The following DAB1 variants were observed in gnomAD, a reference collection of about 807,000 sequenced individuals.
DAB1 encodes the protein disabled homolog 1.
Under a neutral mutation model 64.6 loss-of-function variants are expected in DAB1, and 15 were observed. That is an observed-to-expected ratio of 0.23 (90% CI 0.16 to 0.36). The LOEUF (loss-of-function observed/expected upper bound fraction) is 0.36, where lower values mean the gene tolerates loss of function less well. Ranked by LOEUF, DAB1 falls within the 10% of genes least tolerant of loss-of-function variation. The pLI is 1.00. For missense variants in DAB1, 596 were observed against 706.7 expected, an observed-to-expected ratio of 0.84 and a Z score of 1.78; for synonymous variants, 235 against 251.9, an observed-to-expected ratio of 0.93 and a Z score of 0.64.
At chr1:58,121,013 A>G (rs534480532) in intron 5 of DAB1, among the ~76,000 whole-genome samples, 30 of 152,264 alleles carry the variant, frequency 2.0e-4, no homozygotes, top group Admixed American at 1.8e-3. Context: ...AGGGACTTTG[A>G]AAAACATTCT....
chr1:58,256,786 T>C (rs1005847069), intron 4 of DAB1, among the ~76,000 whole-genome samples: 3 of 152,160 alleles, frequency 2.0e-5, no homozygotes, highest in Non-Finnish European at 4.4e-5. Flanking sequence ...ATTTGACAAA[T>C]GAACGAACAT....
chr1:57,762,343 C>T (rs1649125331), intron 6 of DAB1, among the ~76,000 whole-genome samples: 1 of 151,942 alleles, frequency 6.6e-6, no homozygotes. Flanking sequence ...GGGTATAAAA[C>T]TTTAGATCAG....
At chr1:57,516,708 A>G (rs1273357750) in intron 7 of DAB1, among the ~76,000 whole-genome samples, 1 of 152,106 alleles carries the variant, frequency 6.6e-6, no homozygotes, top group Non-Finnish European at 1.5e-5. Flanking sequence ...CTAGCTTATA[A>G]AGCACCATCT....
chr1:58,519,744 T>A (rs995822260), intron 2 of DAB1, among the ~76,000 whole-genome samples: 1 of 151,874 alleles, frequency 6.6e-6, no homozygotes, highest in African/African-American at 2.4e-5. Flanking sequence ...CATGAATTTT[T>A]AAAAAAATAT....
chr1:58,079,850 A>G (rs982308895), intron 5 of DAB1, among the ~76,000 whole-genome samples: 1 of 152,042 alleles, frequency 6.6e-6, no homozygotes, highest in Non-Finnish European at 1.5e-5. Flanking sequence ...CCTTATTTTC[A>G]TATGTTTCCA....
intron 2 of DAB1, among the ~76,000 whole-genome samples, chr1:57,251,238 C>T (rs1182389987): frequency 1.3e-5 from 2 of 152,150 alleles, no homozygotes; most frequent in African/African-American, 4.8e-5. Flanking sequence ...TGTGAAATTT[C>T]TTTTTAAGTG....
chr1:57,807,053 C>T (rs1420950703), intron 6 of DAB1, among the ~76,000 whole-genome samples: 1 of 152,160 alleles, frequency 6.6e-6, no homozygotes, highest in Non-Finnish European at 1.5e-5. Flanking sequence ...CTGGCATGAT[C>T]ATAGTCAAGG....
chr1:57,646,762 G>A (rs1190659095), intron 7 of DAB1, among the ~76,000 whole-genome samples: 1 of 152,038 alleles, frequency 6.6e-6, no homozygotes, highest in Non-Finnish European at 1.5e-5. Flanking sequence ...AAACAAAACA[G>A]AAAACAAAAC....
At chr1:57,040,040 G>T (rs1214983692) in intron 9 of DAB1, among the ~76,000 whole-genome samples, 1 of 152,136 alleles carries the variant, frequency 6.6e-6, no homozygotes, top group African/African-American at 2.4e-5. Flanking sequence ...TAGAAAACAA[G>T]AAATTATACA....
intron 2 of DAB1, among the ~76,000 whole-genome samples, chr1:57,153,287 G>C (rs1328304380): frequency 6.6e-6 from 1 of 152,108 alleles, no homozygotes; most frequent in Admixed American, 6.6e-5. Context: ...CGGCCTCCCT[G>C]AGTGCTGGGA....
chr1:57,804,548 A>G (rs1651276455), intron 6 of DAB1, among the ~76,000 whole-genome samples: 1 of 152,200 alleles, frequency 6.6e-6, no homozygotes, highest in Admixed American at 6.5e-5. Context: ...ACAGATGTGT[A>G]AGAGTTCACA....
chr1:57,665,849 C>CTCTGTGTGTGTGTGTGTG (rs748074939), intron 6 of DAB1, among the ~76,000 whole-genome samples: 1 of 137,174 alleles, frequency 7.3e-6, no homozygotes, highest in African/African-American at 2.7e-5. Context: ...TTTTAATTAT[C>CTCTGTGTGTGTGTGTGTG]TGTGTGTGTG....
At chr1:58,297,844 C>T (rs1478748116) in intron 4 of DAB1, among the ~76,000 whole-genome samples, 1 of 152,070 alleles carries the variant, frequency 6.6e-6, no homozygotes, top group East Asian at 1.9e-4. Context: ...TTTAGGAGTG[C>T]CTGACTGTTG....
At chr1:57,620,620 A>C (rs1645845826) in intron 7 of DAB1, among the ~76,000 whole-genome samples, 1 of 152,214 alleles carries the variant, frequency 6.6e-6, no homozygotes, top group South Asian at 2.1e-4. Context: ...AGAGGTACCC[A>C]ACATGTGGCA....
intron 6 of DAB1, among the ~76,000 whole-genome samples, chr1:57,766,943 T>C (rs1649340271): frequency 6.6e-6 from 1 of 152,124 alleles, no homozygotes; most frequent in Non-Finnish European, 1.5e-5. Flanking sequence ...TTATAAATGA[T>C]ACAACTTAGG....
chr1:58,422,349 C>T lies in DAB1; in HGVS notation n.258-78946G>A, dbSNP rs72914395. Among the ~76,000 whole-genome samples, 632 of 151,606 alleles carry T rather than the reference C, an allele frequency of 4.2e-3. 4 individuals carry two copies. The highest frequency in any genetic ancestry group is 0.015 in the African/African-American group (610 of 41,266). ...ACTTCTTTTATTTAACATCCAGCTG[C>T]GGGCAAAATATACTCCCTAGCTAGT... On this transcript the variant is annotated intron_variant and non_coding_transcript_variant, in intron 3 of 20. Coordinates refer to the DAB1 transcript ENST00000485760.
At chr1:57,901,589 TC>T (rs1353182351) in intron 5 of DAB1, among the ~76,000 whole-genome samples, 2 of 152,130 alleles carry the variant, frequency 1.3e-5, no homozygotes, top group African/African-American at 2.4e-5. Context: ...TGCTGGCCTT[TC>T]TTTTCCCAGA....
intron 6 of DAB1, among the ~76,000 whole-genome samples, chr1:57,670,635 C>T (rs1646499242): frequency 2.6e-5 from 4 of 151,988 alleles, no homozygotes; most frequent in Admixed American, 2.0e-4. Context: ...AAAGGTAGAA[C>T]AACATAAAAT....
At chr1:57,817,343 A>T (rs1651912859) in intron 6 of DAB1, among the ~76,000 whole-genome samples, 1 of 152,212 alleles carries the variant, frequency 6.6e-6, no homozygotes, top group Non-Finnish European at 1.5e-5. Context: ...ATGGTCTTTG[A>T]ATGAAAATAG....
Sources: gnomAD v4.1 joint callset for allele counts (sites outside exome capture counted in the v4.1 genomes callset) on GRCh38, gnomAD v4.1.1 for gene constraint, MANE v1.5 for transcripts, NCBI Gene and HGNC (gene_info 2026-07-23, HGNC 2026-07-21) for gene names.